Variants in CHMP4B observed in about 807,000 individuals in gnomAD.
CHMP4B encodes the protein SNF7 homolog associated with Alix 1.
In CHMP4B, 1 loss-of-function variant was observed where a neutral mutation model predicts 25.1. The observed-to-expected ratio is 0.04, with a 90% CI of 0.01 to 0.19. The LOEUF (loss-of-function observed/expected upper bound fraction) is 0.19, where lower values mean the gene tolerates loss of function less well. CHMP4B is among the 10% of genes least tolerant of loss of function. The probability of loss-of-function intolerance (pLI) is 1.00; values close to 1 mark genes in which losing one functional copy is unlikely to be tolerated. For synonymous variants in CHMP4B, 101 were observed against 115.6 expected (o/e 0.87, Z 0.81); for missense variants, 151 against 289.7 (o/e 0.52, Z 3.48).
chr20:33,852,607 G>A (rs545715320), intron 4 of CHMP4B, among the ~76,000 whole-genome samples: 1 of 152,312 alleles, frequency 6.6e-6, no homozygotes, highest in South Asian at 2.1e-4. Flanking sequence ...AATGTCCCTT[G>A]GTAGGGGTTG....
intron 1 of CHMP4B, among the ~76,000 whole-genome samples, chr20:33,843,075 C>T (rs192189781): frequency 3.3e-4 from 51 of 152,342 alleles, no homozygotes; most frequent in Non-Finnish European, 5.6e-4. Context: ...TAGCTGTTGC[C>T]TCACAGAAAG....
chr20:33,850,453 A>G lies in CHMP4B; in HGVS notation c.369-499A>G, dbSNP rs1033110541. 2.6e-5 allele frequency among the ~76,000 whole-genome samples: 4 copies of G among 152,200 alleles called. 1 individual carries two copies. Among genetic ancestry groups the G allele is most frequent in the Admixed American group, 2.6e-4 (4 of 15,280 alleles). ...TTGGCTTGAGTAAATATAGGTTTAT[A>G]TGATTGTCAGTGTGTAGAAGAAAAT... is the stretch of plus-strand genomic sequence containing the variant. On this transcript the variant is annotated intron_variant, in intron 2 of 4. Transcript: ENST00000217402.
At chr20:33,853,353 A>G (rs148417861) in intron 4 of CHMP4B, 143 bp from the exon 5 acceptor site, 38 of 759,578 alleles carry the variant, frequency 5.0e-5, no homozygotes, top group Non-Finnish European at 8.6e-5. Flanking sequence ...ACCAAGGAGC[A>G]GTCTCCCTAC....
At position 33,848,583 on chromosome 20, in the gene CHMP4B, A is replaced by G; in HGVS notation, c.307A>G (p.Thr103Ala). The change falls in exon 2 of 5, where the codon ACC becomes GCC. Residue 103 changes from threonine to alanine, a missense_variant. This residue lies in a region of CHMP4B where 82 missense variants were observed against 208.3 expected (regional missense o/e 0.39). Transcript: ENST00000217402. ...GGCCCTGGAGAATGCCAACACCAAC[A>G]CCGAGGTGCTCAAGAACATGGGCTA... Reference protein sequence around the residue: ...REALENANTNTEVLKNMGYAA... With the variant: ...REALENANTNAEVLKNMGYAA... 2 of 1,614,172 alleles carry G rather than the reference A, an allele frequency of 1.2e-6. No homozygotes were observed. The highest frequency in any genetic ancestry group is 1.7e-6 in the Non-Finnish European group (2 of 1,180,030).
At chr20:33,840,372 T>C (rs1429692948) in intron 1 of CHMP4B, among the ~76,000 whole-genome samples, 1 of 152,114 alleles carries the variant, frequency 6.6e-6, no homozygotes, top group Non-Finnish European at 1.5e-5. Context: ...AGAATGCTCA[T>C]ATTCATCAAG....
At chr20:33,823,072 G>GCCA (rs781356344) in intron 1 of CHMP4B, among the ~76,000 whole-genome samples, 1 of 152,082 alleles carries the variant, frequency 6.6e-6, no homozygotes, top group Non-Finnish European at 1.5e-5. Context: ...ATAGGCATGA[G>GCCA]CCACCGCGCC....
At chr20:33,848,943 G>A (rs1253974121) in intron 2 of CHMP4B, among the ~76,000 whole-genome samples, 1 of 152,194 alleles carries the variant, frequency 6.6e-6, no homozygotes, top group Non-Finnish European at 1.5e-5. Flanking sequence ...AGGTGGGGAA[G>A]CTGTGTCCCA....
chr20:33,812,342 G>A (rs1978652309), intron 1 of CHMP4B, among the ~76,000 whole-genome samples: 1 of 152,080 alleles, frequency 6.6e-6, no homozygotes, highest in South Asian at 2.1e-4. Context: ...TTGTTGCCTC[G>A]TAGCTTGACC....
chr20:33,820,248 T>C (rs971666317), intron 1 of CHMP4B, among the ~76,000 whole-genome samples: 3 of 152,136 alleles, frequency 2.0e-5, no homozygotes, highest in African/African-American at 7.2e-5. Flanking sequence ...AAGCAGAACC[T>C]GCATTTTATG....
chr20:33,813,518 T>C (rs1453520074), intron 1 of CHMP4B, among the ~76,000 whole-genome samples: 1 of 152,050 alleles, frequency 6.6e-6, no homozygotes, highest in Non-Finnish European at 1.5e-5. Flanking sequence ...TCCAGCTTAG[T>C]TGTGGAGATG....
intron 1 of CHMP4B, among the ~76,000 whole-genome samples, chr20:33,821,547 C>T (rs1978942086): frequency 6.6e-6 from 1 of 152,120 alleles, no homozygotes; most frequent in East Asian, 1.9e-4. Flanking sequence ...GTGACTCCTC[C>T]AGTAGGCTGA....
intron 1 of CHMP4B, among the ~76,000 whole-genome samples, chr20:33,822,701 C>T (rs1568606099): frequency 6.6e-6 from 1 of 152,222 alleles, no homozygotes; most frequent in Non-Finnish European, 1.5e-5. Flanking sequence ...TGCGGACAGC[C>T]CTCCTCATGC....
chr20:33,828,520 G>A (rs537062872), intron 1 of CHMP4B, among the ~76,000 whole-genome samples: 2 of 152,278 alleles, frequency 1.3e-5, no homozygotes, highest in South Asian at 2.1e-4. Flanking sequence ...TGAGGCGGGC[G>A]GGCACAGCCG....
Position 33,848,588 on chromosome 20 carries a change from G to A in CHMP4B, c.312G>A (p.Glu104=), listed in dbSNP as rs1979752444. Residue 104 remains glutamate (E), a synonymous_variant, in exon 2 of 5, where the codon GAG becomes GAA. Coordinates refer to ENST00000217402, the MANE Select transcript of CHMP4B (RefSeq NM_176812.5). ...EALENANTNT[E]VLKNMGYAAK... ...TGGAGAATGCCAACACCAACACCGA[G>A]GTGCTCAAGAACATGGGCTATGCCG... 1 of 1,614,090 alleles carries A rather than the reference G, an allele frequency of 6.2e-7. No homozygotes were observed. The highest frequency in any genetic ancestry group is 1.1e-5 in the South Asian group (1 of 91,086).
chr20:33,844,242 C>T (rs552626545), intron 1 of CHMP4B, among the ~76,000 whole-genome samples: 1 of 152,320 alleles, frequency 6.6e-6, no homozygotes, highest in South Asian at 2.1e-4. Context: ...TTCAGTAAGA[C>T]GTCAATTCTG....
At chr20:33,844,252 G>T (rs921725497) in intron 1 of CHMP4B, among the ~76,000 whole-genome samples, 6 of 152,214 alleles carry the variant, frequency 3.9e-5, no homozygotes, top group Admixed American at 3.3e-4. Context: ...CGTCAATTCT[G>T]TGGGTCAGAG....
chr20:33,815,714 A>G (rs911053632), intron 1 of CHMP4B, among the ~76,000 whole-genome samples: 1 of 152,170 alleles, frequency 6.6e-6, no homozygotes, highest in East Asian at 1.9e-4. Context: ...GAAAAAAACA[A>G]TCTTGTGGGT....
chr20:33,826,769 A>G (rs1979106103), intron 1 of CHMP4B, among the ~76,000 whole-genome samples: 1 of 152,156 alleles, frequency 6.6e-6, no homozygotes. Flanking sequence ...TTTTCAGAGT[A>G]TCTCAGGTTG....
At chr20:33,824,667 C>T (rs1172729648) in intron 1 of CHMP4B, among the ~76,000 whole-genome samples, 1 of 152,170 alleles carries the variant, frequency 6.6e-6, no homozygotes, top group Non-Finnish European at 1.5e-5. Flanking sequence ...GGTTTCTCAA[C>T]CTTGACTGCT....
Sources: allele counts gnomAD v4.1 joint callset (sites outside exome capture counted in the v4.1 genomes callset), GRCh38; gene constraint gnomAD v4.1.1; regional missense constraint gnomAD v4.1.1; transcripts MANE v1.5; gene names NCBI Gene and HGNC (gene_info 2026-07-23, HGNC 2026-07-21).